The following SACS variants were observed in gnomAD, a reference collection of about 807,000 sequenced individuals.
SACS encodes the protein sacsin.
Under a neutral mutation model 348.0 loss-of-function variants are expected in SACS, and 197 were observed. The ratio of observed to expected loss-of-function variants is 0.57; its 90% CI spans 0.50 to 0.64. SACS has a LOEUF of 0.64. SACS is among the 30% of genes least tolerant of loss of function. The pLI, the probability that SACS is intolerant of heterozygous loss-of-function variation, is 0.00. For missense variants in SACS, 4,999 were observed against 5,360.8 expected, an observed-to-expected ratio of 0.93 and a Z score of 2.11; for synonymous variants, 1,985 against 1,910.6, an observed-to-expected ratio of 1.04 and a Z score of -1.02.
At chr13:23,379,359 G>A (rs1423538803) in intron 2 of SACS, among the ~76,000 whole-genome samples, 3 of 152,202 alleles carry the variant, frequency 2.0e-5, no homozygotes, top group Non-Finnish European at 4.4e-5. Flanking sequence ...TGGTGCCTGT[G>A]CTCGGGGACT....
chr13:23,376,005 T>C (rs1871781655), intron 2 of SACS, among the ~76,000 whole-genome samples: 1 of 151,818 alleles, frequency 6.6e-6, no homozygotes, highest in African/African-American at 2.4e-5. Context: ...GGGAACGTGC[T>C]GGTTACAGAA....
chr13:23,353,851 T>C lies in SACS; in HGVS notation c.2119A>G (p.Arg707Gly). Residue 707 changes from arginine (R) to glycine (G), a missense_variant, in exon 9 of 10, where the codon AGA (arginine) becomes GGA (glycine). Physicochemically the swap from Arg to Gly is moderately radical, Grantham distance 125. Coordinates refer to ENST00000382292, the MANE Select transcript of SACS (RefSeq NM_014363.6). ...GGTTTCAAGTTATCCAAAATAAATC[T>C]TCCTTCAAGACTTGGGAAAAGGGAC... The part of the protein sequence containing the change: ...PRSLFPSLEG[R>G]FILDNLKPHL... 6.2e-7 allele frequency: 1 copy of C among 1,609,668 alleles called. No individual in the cohort carries two copies. The highest frequency in any genetic ancestry group is 8.5e-7 in the Non-Finnish European group (1 of 1,176,082).
intron 1 of SACS, among the ~76,000 whole-genome samples, chr13:23,421,687 A>C (rs1873947651): frequency 6.8e-6 from 1 of 147,422 alleles, no homozygotes; most frequent in Non-Finnish European, 1.5e-5. Context: ...TGACCTGGGG[A>C]CTGATGTCCA....
rs544570879 is a variant in SACS, at chr13:23,394,428, A to G, written c.20+16792T>C. Reference sequence around the variant, plus strand: ...CTAGAAATCCCCAGCTCTCTTTGCCATATTGGGAGTTGAGCCCAATCTCAC... The same window carrying G: ...CTAGAAATCCCCAGCTCTCTTTGCCGTATTGGGAGTTGAGCCCAATCTCAC... On this transcript the variant is annotated intron_variant, in intron 2 of 9. Transcript: ENST00000382292. Among the ~76,000 whole-genome samples the G allele has an allele frequency of 4.4e-4, 67 of 152,316 alleles. 1 individual carries two copies. In the South Asian group the frequency reaches 8.1e-3, roughly 18 times the overall value.
chr13:23,392,717 C>T (rs531073936), intron 2 of SACS, among the ~76,000 whole-genome samples: 1 of 152,298 alleles, frequency 6.6e-6, no homozygotes, highest in South Asian at 2.1e-4. Context: ...CTTTCCATTA[C>T]ACAATTTGTT....
rs752943692 is a variant in SACS at position 23,399,019 on chromosome 13, C to CAAAAAAAAAAAAAAAAA, written c.20+12184_20+12200dup. On this transcript the variant is annotated intron_variant, in intron 2 of 9. Coordinates refer to ENST00000382292, the MANE Select transcript of SACS (RefSeq NM_014363.6). The stretch of plus-strand genomic sequence containing the variant: ...CTGGTAACAGAGTGAGACTCCATCT[C>CAAAAAAAAAAAAAAAAA]AAAAAAAAAAAAAAAAAACATGGAT... 3.3e-3 allele frequency among the ~76,000 whole-genome samples: 224 copies of CAAAAAAAAAAAAAAAAA among 67,092 alleles called. 39 individuals are homozygous for CAAAAAAAAAAAAAAAAA. Among genetic ancestry groups the CAAAAAAAAAAAAAAAAA allele is most frequent in the East Asian group, 0.032 (44 of 1,396 alleles). The allele number at this position is 67,092 out of a possible 152,430, so 44.0% of individuals were successfully genotyped here. A position where few individuals can be genotyped will look rare whatever the true frequency, so the allele number is the denominator to read the frequency against.
chr13:23,336,142 A>T lies in SACS; in HGVS notation c.7734T>A (p.Asp2578Glu). 2 of 1,613,508 alleles carry T rather than the reference A, an allele frequency of 1.2e-6. No individual in the cohort carries two copies. Among genetic ancestry groups the T allele is most frequent in the Middle Eastern group, 3.3e-4 (2 of 6,058 alleles). Reference sequence around the variant, plus strand: ...CTGGCCCTTGCAATGGGGCCCACTTATCATCAAATATTCTATCAACTGGAT... The same window carrying T: ...CTGGCCCTTGCAATGGGGCCCACTTTTCATCAAATATTCTATCAACTGGAT... ...RQHPVDRIFD[D>E]KWAPLQGPAL... is the part of the protein sequence containing the mutation. The change falls in exon 10 of 10, where the codon GAT becomes GAA. Residue 2578 changes from aspartate (D) to glutamate (E), a missense_variant. This residue lies in a region of SACS where 3,156 missense variants were observed against 3,380.1 expected (regional missense o/e 0.93). Transcript: ENST00000382292.
intron 2 of SACS, among the ~76,000 whole-genome samples, chr13:23,397,753 A>C (rs1043183117): frequency 1.3e-5 from 2 of 152,246 alleles, no homozygotes; most frequent in Non-Finnish European, 2.9e-5. Flanking sequence ...ACTCTGTAAA[A>C]TATTTGAAGA....
chr13:23,335,609 GTAC>G lies in SACS; in HGVS notation c.8264_8266del (p.Ser2755del). 1 of 1,613,796 alleles carries G rather than the reference GTAC, an allele frequency of 6.2e-7. No homozygotes were observed. Among genetic ancestry groups the G allele is most frequent in the Non-Finnish European group, 8.5e-7 (1 of 1,179,850 alleles). On this transcript the variant is annotated inframe_deletion, in exon 10 of 10. Transcript: ENST00000382292. The surrounding 1 kb of genome is among the most constrained non-coding windows in gnomAD (Gnocchi z 4.7). ...TGAATACAGCACATTTAGAGCTCCA[GTAC>G]TCTTATCTATTTCACAAATAGAAAT...
At chr13:23,416,954 T>C (rs555981264) in intron 1 of SACS, among the ~76,000 whole-genome samples, 1 of 152,170 alleles carries the variant, frequency 6.6e-6, no homozygotes, top group East Asian at 1.9e-4. Flanking sequence ...TCACTATTCA[T>C]GGATAGAGTA....
intron 1 of SACS, among the ~76,000 whole-genome samples, chr13:23,418,763 C>A (rs1873788560): frequency 6.6e-6 from 1 of 152,188 alleles, no homozygotes; most frequent in Admixed American, 6.5e-5. Flanking sequence ...CCTCAGCCTC[C>A]CAAAGTGCTG....
intron 9 of SACS, among the ~76,000 whole-genome samples, chr13:23,351,950 G>T (rs557862130): frequency 6.6e-6 from 1 of 152,234 alleles, no homozygotes; most frequent in South Asian, 2.1e-4. Flanking sequence ...GTGGGAAAAT[G>T]CAACTTTGAA....
At position 23,338,884 on chromosome 13, in the gene SACS, G is replaced by A. The variant is rs1158968797; in HGVS notation, c.4992C>T (p.Tyr1664=). ...CAAGAGAATAAATATCTGCTGTATT[G>A]TAGCACGTACTACTAACTTCACTCA... is the stretch of plus-strand genomic sequence containing the variant. ...AKVSEVSSTC[Y]NTADIYSLVD... is the part of the protein sequence containing the mutation. The change falls in exon 10 of 10, where the codon TAC becomes TAT. Residue 1664 remains tyrosine (Y), a synonymous_variant. Transcript: ENST00000382292. 1 of 1,613,170 alleles carries A rather than the reference G, an allele frequency of 6.2e-7. No individual in the cohort carries two copies. Among genetic ancestry groups the A allele is most frequent in the Non-Finnish European group, 8.5e-7 (1 of 1,179,768 alleles).
At chr13:23,371,908 G>C (rs2137819818) in intron 3 of SACS, among the ~76,000 whole-genome samples, 1 of 152,268 alleles carries the variant, frequency 6.6e-6, no homozygotes, top group South Asian at 2.1e-4. Context: ...CTGGTTGAAT[G>C]ACATCATCAT....
intron 2 of SACS, among the ~76,000 whole-genome samples, chr13:23,397,787 G>C (rs920206319): frequency 6.6e-6 from 1 of 152,202 alleles, no homozygotes; most frequent in African/African-American, 2.4e-5. Context: ...CCAAATATGA[G>C]TGACCATGGC....
At position 23,339,007 on chromosome 13, in the gene SACS, A is replaced by C. The variant is rs1472349309; in HGVS notation, c.4869T>G (p.Asp1623Glu). Residue 1623 changes from aspartate (D) to glutamate (E), a missense_variant, in exon 10 of 10, where the codon GAT becomes GAG. This residue lies in a region of SACS where 3,156 missense variants were observed against 3,380.1 expected (regional missense o/e 0.93). Transcript: ENST00000382292. ...KFPNQFKPFI[D>E]VFGCQLPLTV... ...TCAAAGGTAACTGACAGCCAAATAC[A>C]TCTATAAATGGTTTGAACTGATTAG... 24 of 1,613,844 alleles carry C rather than the reference A, an allele frequency of 1.5e-5. No homozygotes were observed. The highest frequency in any genetic ancestry group is 2.0e-5 in the Non-Finnish European group (24 of 1,179,926).
intron 9 of SACS, among the ~76,000 whole-genome samples, chr13:23,343,679 G>A (rs12864828): frequency 0.063 from 9,593 of 152,146 alleles, 437 homozygotes; most frequent in Non-Finnish European, 0.097. Flanking sequence ...GCAAGGCTCC[G>A]TCTCAAAAAA....
In SACS at chr13:23,331,814, T is replaced by C. The variant is rs560104952; in HGVS notation, c.12062A>G (p.His4021Arg). 6.2e-7 allele frequency: 1 copy of C among 1,614,048 alleles called. No homozygotes were observed. Among genetic ancestry groups the C allele is most frequent in the Admixed American group, 1.7e-5 (1 of 60,012 alleles). The change falls in exon 10 of 10, where the codon CAT (histidine) becomes CGT (arginine). Residue 4021 changes from histidine to arginine, a missense_variant. His to Arg is a conservative substitution (Grantham distance 29). This residue lies in a region of SACS where 831 missense variants were observed against 941.8 expected (regional missense o/e 0.88). Transcript: ENST00000382292. ...FITGLIRIMK[H>R]ENDNAFLANE... is the part of the protein sequence containing the mutation. ...GGCCAGAAAAGCATTATCATTTTCATGCTTCATAATTCTAATCAGTCCTGT... is the reference window on the plus strand; with the variant it reads ...GGCCAGAAAAGCATTATCATTTTCACGCTTCATAATTCTAATCAGTCCTGT...
In SACS at chr13:23,335,871, C is replaced by T; in HGVS notation, c.8005G>A (p.Asp2669Asn). 4 of 1,613,942 alleles carry T rather than the reference C, an allele frequency of 2.5e-6. No homozygotes were observed. The highest frequency in any genetic ancestry group is 3.4e-6 in the Non-Finnish European group (4 of 1,179,890). ...TGTGTCCTAAAATCTGCATCCAAAT[C>T]TCTAAACATGCGTCCGGGACTAATG... ...TSISPGRMFR[D>N]LDADFRTQFS... The change falls in exon 10 of 10, where the codon GAT becomes AAT. Residue 2669 changes from aspartate (D) to asparagine (N), a missense_variant. Transcript: ENST00000382292. This position sits in a 1 kb window ranked among gnomAD's most constrained non-coding sequence, Gnocchi z 4.7.
Sources: gnomAD v4.1 joint callset for allele counts (sites outside exome capture counted in the v4.1 genomes callset) on GRCh38, gnomAD v4.1.1 for gene constraint, gnomAD v4.1.1 regional missense constraint, Gnocchi (gnomAD v3.1) non-coding constraint, MANE v1.5 for transcripts, NCBI Gene and HGNC (gene_info 2026-07-23, HGNC 2026-07-21) for gene names.